LPCAT1: variants seen among roughly 807,000 people sequenced by gnomAD.
LPCAT1 encodes lysophosphatidylcholine acyltransferase 1, also known as 1-acylglycerol-3-phosphate O-acyltransferase.
A neutral mutation model predicts 60.9 loss-of-function variants in LPCAT1; 23 were observed. The ratio of observed to expected loss-of-function variants is 0.38; its 90% CI spans 0.27 to 0.53. LPCAT1 has a LOEUF of 0.53. LPCAT1 is among the 20% of genes least tolerant of loss of function. LPCAT1 has a pLI of 0.82. For missense variants in LPCAT1, 622 were observed against 723.6 expected, an observed-to-expected ratio of 0.86 and a Z score of 1.61; for synonymous variants, 340 against 301.1, an observed-to-expected ratio of 1.13 and a Z score of -1.34.
chr5:1,489,753 C>T lies in LPCAT1; in HGVS notation c.599G>A (p.Trp200Ter). 6.2e-7 allele frequency: 1 copy of T among 1,610,724 alleles called. No individual in the cohort carries two copies. The highest frequency in any genetic ancestry group is 8.5e-7 in the Non-Finnish European group (1 of 1,176,806). ...CAGGGCTACGTGCATTACCTGTGGC[C>T]ACTTTCCGTTGGACTGCGCCCGTCT... ...IKRRAQSNGK[W>*]PQIMIFPEGT... The change falls in exon 4 of 14, where the codon TGG (tryptophan) becomes TAG (stop). Residue 200 changes from tryptophan (W) to a stop codon, truncating the protein, a stop_gained. Transcript: ENST00000283415. LOFTEE classifies it high-confidence loss of function.
At position 1,508,053 on chromosome 5, in the gene LPCAT1, C is replaced by T. The variant is rs2962044; in HGVS notation, c.136-6450G>A. Among the ~76,000 whole-genome samples, 887 of 152,314 alleles carry T rather than the reference C, an allele frequency of 5.8e-3. 9 individuals are homozygous for T. The highest frequency in any genetic ancestry group is 0.02 in the African/African-American group (830 of 41,558). The stretch of plus-strand genomic sequence containing the variant: ...ACACAGAAGGTGCCATCTATTGACC[C>T]GGAGGGGGTCCTTGGCAGACACCAA... On this transcript the variant is annotated intron_variant, in intron 1 of 13. Coordinates refer to ENST00000283415, the MANE Select transcript of LPCAT1 (RefSeq NM_024830.5).
At chr5:1,464,599 G>A (rs914833104) in intron 13 of LPCAT1, among the ~76,000 whole-genome samples, 1 of 151,016 alleles carries the variant, frequency 6.6e-6, no homozygotes, top group Non-Finnish European at 1.5e-5. Flanking sequence ...ACACATGTGC[G>A]CACACACACA....
chr5:1,461,949 T>C lies in LPCAT1; in HGVS notation c.*1702A>G, dbSNP rs146691165. 1.3e-5 allele frequency: 2 copies of C among 152,702 alleles called. No homozygotes were observed. The highest frequency in any genetic ancestry group is 1.9e-4 in the East Asian group (1 of 5,184). 9.5% of individuals were successfully genotyped at this position (152,702 alleles called of 1,614,324 possible). A position where few individuals can be genotyped will look rare whatever the true frequency, so the allele number is the denominator to read the frequency against. ...CTACCAAAGGCTGCACTAGGATTTC[T>C]TCTGTGTCCAACACGCCAAGAGCCC... On this transcript the variant is annotated 3_prime_UTR_variant, in exon 14 of 14. Transcript: ENST00000283415.
chr5:1,486,518 A>G (rs565805215), intron 5 of LPCAT1, among the ~76,000 whole-genome samples: 193 of 152,204 alleles, frequency 1.3e-3, no homozygotes, highest in African/African-American at 4.5e-3. Context: ...AGGCGATGTG[A>G]TGAAAGGTGG....
intron 9 of LPCAT1, among the ~76,000 whole-genome samples, chr5:1,475,180 T>C (rs1318854071): frequency 6.6e-6 from 1 of 152,208 alleles, no homozygotes; most frequent in African/African-American, 2.4e-5. Context: ...GACCGTGCCG[T>C]GTGTGCTCAG....
intron 1 of LPCAT1, among the ~76,000 whole-genome samples, chr5:1,513,819 G>T (rs1454620037): frequency 7.9e-6 from 1 of 126,522 alleles, no homozygotes; most frequent in African/African-American, 3.2e-5. Flanking sequence ...GGCTCTCACC[G>T]GTGAGGCGGG....
At chr5:1,465,836 AC>A (rs1579749241) in intron 13 of LPCAT1, among the ~76,000 whole-genome samples, 2 of 152,120 alleles carry the variant, frequency 1.3e-5, no homozygotes, top group South Asian at 2.1e-4. Flanking sequence ...ACGTATGCAC[AC>A]GCACGGTAAC....
At chr5:1,486,536 G>A (rs1560969900) in intron 5 of LPCAT1, among the ~76,000 whole-genome samples, 1 of 152,124 alleles carries the variant, frequency 6.6e-6, no homozygotes, top group African/African-American at 2.4e-5. Context: ...TGGAGGGAGG[G>A]TCTGAGTGGG....
chr5:1,491,773 G>A lies in LPCAT1; in HGVS notation c.494-1915C>T, dbSNP rs569671704. 1.3e-4 allele frequency among the ~76,000 whole-genome samples: 20 copies of A among 152,356 alleles called. No individual in the cohort carries two copies. The South Asian group carries it at 3.9e-3, about 30-fold the overall frequency. On this transcript the variant is annotated intron_variant, in intron 3 of 13. Transcript: ENST00000283415. ...TTGACAAGGTTTGTAAATGGATGGTGCGGATATGAAGGTCACTGAAAGGAA... is the reference window on the plus strand; with the variant it reads ...TTGACAAGGTTTGTAAATGGATGGTACGGATATGAAGGTCACTGAAAGGAA...
intron 3 of LPCAT1, among the ~76,000 whole-genome samples, chr5:1,492,938 C>T (rs547299877): frequency 6.6e-6 from 1 of 152,366 alleles, no homozygotes; most frequent in African/African-American, 2.4e-5. Flanking sequence ...AGATGACGAA[C>T]GACCATGGGC....
At chr5:1,499,865 G>A (rs1237119465) in intron 2 of LPCAT1, among the ~76,000 whole-genome samples, 1 of 152,276 alleles carries the variant, frequency 6.6e-6, no homozygotes, top group Non-Finnish European at 1.5e-5. Context: ...CCGAAGCTCA[G>A]GCAGATGTCA....
At chr5:1,507,833 C>T (rs1736233457) in intron 1 of LPCAT1, among the ~76,000 whole-genome samples, 1 of 152,214 alleles carries the variant, frequency 6.6e-6, no homozygotes. Flanking sequence ...TAGATGCAAC[C>T]ACCAGCTTCC....
At chr5:1,479,197 AC>A (rs1735034046) in intron 8 of LPCAT1, among the ~76,000 whole-genome samples, 1 of 152,110 alleles carries the variant, frequency 6.6e-6, no homozygotes, top group Non-Finnish European at 1.5e-5. Flanking sequence ...GGAGTTTGAG[AC>A]CAGCCTAGGC....
intron 1 of LPCAT1, chr5:1,510,772 A>G (rs528629832): frequency 4.6e-5 from 7 of 152,526 alleles, no homozygotes; most frequent in Admixed American, 2.0e-4. Flanking sequence ...GGTGACACCA[A>G]TGCCGCCTGG....
At chr5:1,517,871 C>T (rs1446035046) in intron 1 of LPCAT1, among the ~76,000 whole-genome samples, 2 of 152,216 alleles carry the variant, frequency 1.3e-5, no homozygotes, top group Non-Finnish European at 2.9e-5. Flanking sequence ...TGCCTCCCCA[C>T]ACGGGGGACG....
rs538153921 is a variant in LPCAT1, at chr5:1,476,271, G to A, written c.899+1133C>T. ...TGGGAATGCATTCCCCTGGCTCGGC[G>A]CCTACTCAGCTTTTTGTATTGTTCA... On this transcript the variant is annotated intron_variant, in intron 9 of 13. Transcript: ENST00000283415. The surrounding 1 kb of genome is among the most constrained non-coding windows in gnomAD (Gnocchi z 8.6). Among the ~76,000 whole-genome samples, 431 of 152,252 alleles carry A rather than the reference G, an allele frequency of 2.8e-3. 1 individual carries two copies. The highest frequency in any genetic ancestry group is 9.7e-3 in the African/African-American group (401 of 41,546).
At position 1,495,199 on chromosome 5, in the gene LPCAT1, C is replaced by A. The variant is rs1735742450; in HGVS notation, c.279-285G>T. On this transcript the variant is annotated intron_variant, in intron 2 of 13. Transcript: ENST00000283415. The surrounding 1 kb of genome is among the most constrained non-coding windows in gnomAD (Gnocchi z 4.7). The stretch of plus-strand genomic sequence containing the variant: ...CAGGCAGTGCTAAGACAACATGAGA[C>A]TCCGGAACACAGACAGCACAAGTCC... Among the ~76,000 whole-genome samples the A allele has an allele frequency of 6.6e-6, 1 of 152,236 alleles. No homozygotes were observed. The highest frequency in any genetic ancestry group is 2.4e-5 in the African/African-American group (1 of 41,474).
intron 1 of LPCAT1, among the ~76,000 whole-genome samples, chr5:1,513,320 C>T (rs1736411261): frequency 6.6e-6 from 1 of 152,172 alleles, no homozygotes; most frequent in Non-Finnish European, 1.5e-5. Context: ...TCCCCCATGT[C>T]CAACCTGCAG....
At chr5:1,466,367 G>C (rs1035369589) in intron 13 of LPCAT1, among the ~76,000 whole-genome samples, 1 of 152,110 alleles carries the variant, frequency 6.6e-6, no homozygotes, top group African/African-American at 2.4e-5. Context: ...CCCCTCCCAG[G>C]AGAGGGGGGA....
Sources: allele counts gnomAD v4.1 joint callset (sites outside exome capture counted in the v4.1 genomes callset), GRCh38; gene constraint gnomAD v4.1.1; non-coding constraint Gnocchi (gnomAD v3.1); transcripts MANE v1.5; gene names NCBI Gene and HGNC (gene_info 2026-07-23, HGNC 2026-07-21).